TTC23L: variants seen among roughly 807,000 people sequenced by gnomAD.
TTC23L encodes tetratricopeptide repeat protein 23-like.
In TTC23L, 42 loss-of-function variants were observed where a neutral mutation model predicts 48.1. The observed-to-expected ratio is 0.87, with a 90% CI of 0.68 to 1.13. TTC23L has a LOEUF of 1.13. TTC23L is among the 50% of genes most tolerant of loss of function. TTC23L has a pLI of 0.00. For missense variants in TTC23L, 391 were observed against 421.0 expected, an observed-to-expected ratio of 0.93 and a Z score of 0.62; for synonymous variants, 159 against 157.2, an observed-to-expected ratio of 1.01 and a Z score of -0.09.
intron 4 of TTC23L, among the ~76,000 whole-genome samples, chr5:34,850,984 AC>A (rs1157107843): frequency 6.6e-6 from 1 of 152,150 alleles, no homozygotes; most frequent in East Asian, 1.9e-4. Flanking sequence ...CTGTTCCTTG[AC>A]CAGCCATGTC....
At chr5:34,870,988 G>A (rs1761412128) in intron 8 of TTC23L, among the ~76,000 whole-genome samples, 2 of 152,166 alleles carry the variant, frequency 1.3e-5, no homozygotes, top group Admixed American at 1.3e-4. Context: ...CAAAAACCCT[G>A]CAGCTGATTT....
chr5:34,910,541 C>T, the TTC23L span, among the ~76,000 whole-genome samples: 2 of 152,030 alleles, frequency 1.3e-5, no homozygotes, highest in East Asian at 3.9e-4. Context: ...GATTCTCCCA[C>T]CTCAGCCTCC....
At chr5:34,916,710 G>A in the TTC23L span, 2 of 152,332 alleles carry the variant, frequency 1.3e-5, no homozygotes, top group Admixed American at 1.3e-4. Context: ...ACTTAGCATA[G>A]TACTCTAGCG....
chr5:34,879,322 C>T (rs1762063673), intron 8 of TTC23L, among the ~76,000 whole-genome samples: 1 of 152,152 alleles, frequency 6.6e-6, no homozygotes, highest in African/African-American at 2.4e-5. Flanking sequence ...CATAAGTTTA[C>T]ACACAAGAAA....
chr5:34,866,910 C>T (rs1241268273), exon 7 of TTC23L: 3 of 1,603,000 alleles, frequency 1.9e-6, no homozygotes. Flanking sequence ...TGGCCATCCA[C>T]AGACTGAACC....
the TTC23L span, among the ~76,000 whole-genome samples, chr5:34,917,425 A>C: frequency 6.6e-6 from 1 of 151,744 alleles, no homozygotes; most frequent in African/African-American, 2.4e-5. Flanking sequence ...CTAGGTCAGG[A>C]GTTCAAGACC....
At chr5:34,916,072 T>G in the TTC23L span, 3 of 688,572 alleles carry the variant, frequency 4.4e-6, no homozygotes, top group East Asian at 9.9e-5. Flanking sequence ...CTAATCCTTG[T>G]GCACGTGGCC....
At chr5:34,909,000 A>G in the TTC23L span, 1 of 1,412,246 alleles carries the variant, frequency 7.1e-7, no homozygotes, top group South Asian at 1.2e-5. Flanking sequence ...AACACTGCTC[A>G]GAACTCCCAA....
intron 10 of TTC23L, among the ~76,000 whole-genome samples, chr5:34,898,657 C>G (rs976183424): frequency 6.6e-6 from 1 of 152,128 alleles, no homozygotes; most frequent in Non-Finnish European, 1.5e-5. Flanking sequence ...GTTAAAGTGC[C>G]AGATAGCTTT....
At chr5:34,873,734 A>G (rs1306581404) in intron 8 of TTC23L, among the ~76,000 whole-genome samples, 1 of 152,206 alleles carries the variant, frequency 6.6e-6, no homozygotes, top group Non-Finnish European at 1.5e-5. Flanking sequence ...GATACCCACA[A>G]AACTACATAC....
At chr5:34,907,902 A>G in the TTC23L span, 1 of 152,214 alleles carries the variant, frequency 6.6e-6, no homozygotes, top group African/African-American at 2.4e-5. Context: ...GTTTCCTTTA[A>G]AACAGTGGTT....
At chr5:34,896,825 T>TCTACATA (rs1416063549) in exon 10 of TTC23L, 5 of 746,012 alleles carry the variant, frequency 6.7e-6, no homozygotes, top group Middle Eastern at 2.3e-4. Flanking sequence ...AAGAAGGAAC[T>TCTACATA]CTACATACAA....
chr5:34,867,610 T>C (rs537365047), intron 7 of TTC23L: 4 of 158,378 alleles, frequency 2.5e-5, no homozygotes, highest in South Asian at 1.8e-4. Flanking sequence ...GAGTCTATTA[T>C]ATTAGGGTAC....
chr5:34,924,798 T>C, the TTC23L span: 3 of 1,342,888 alleles, frequency 2.2e-6, no homozygotes, highest in Non-Finnish European at 3.2e-6. Flanking sequence ...GTATACCTTT[T>C]GGGAATAACG....
intron 10 of TTC23L, among the ~76,000 whole-genome samples, chr5:34,898,860 A>G (rs998949966): frequency 3.3e-5 from 5 of 152,194 alleles, no homozygotes; most frequent in Non-Finnish European, 7.3e-5. Context: ...AACACTTAAT[A>G]GTAACTGTGT....
intron 9 of TTC23L, among the ~76,000 whole-genome samples, chr5:34,892,875 T>C (rs1762960692): frequency 6.6e-6 from 1 of 152,208 alleles, no homozygotes; most frequent in Non-Finnish European, 1.5e-5. Context: ...GGTGAGATTA[T>C]GGAATTTTTA....
At chr5:34,866,870 AT>A in intron 6 of TTC23L, 21 bp from the exon 7 acceptor site, 1 of 1,557,330 alleles carries the variant, frequency 6.4e-7, no homozygotes, top group South Asian at 1.2e-5. Context: ...GTGACTTTCT[AT>A]TTTCATCCCT....
the TTC23L span, chr5:34,915,733 G>A: frequency 6.9e-6 from 11 of 1,597,526 alleles, no homozygotes; most frequent in African/African-American, 1.2e-4. Flanking sequence ...CGGGCGGCGA[G>A]GCAAGATGGC....
At chr5:34,886,335 A>G (rs1185198635) in intron 9 of TTC23L, among the ~76,000 whole-genome samples, 1 of 146,478 alleles carries the variant, frequency 6.8e-6, no homozygotes, top group African/African-American at 2.5e-5. Flanking sequence ...CAGAACCAGC[A>G]TGCTCCTTCG....
Sources: allele counts gnomAD v4.1 joint callset (sites outside exome capture counted in the v4.1 genomes callset), GRCh38; gene constraint gnomAD v4.1.1; transcripts MANE v1.5; gene names NCBI Gene and HGNC (gene_info 2026-07-23, HGNC 2026-07-21).